Variants in SETBP1 observed in about 807,000 individuals in gnomAD.
SETBP1 encodes the protein SET binding protein 1.
A neutral mutation model predicts 101.0 loss-of-function variants in SETBP1; 9 were observed. That is an observed-to-expected ratio of 0.09 (90% CI 0.05 to 0.16). The LOEUF is 0.16. Among genes scored for constraint, SETBP1 ranks in the 10% least tolerant of loss-of-function variants. The pLI is 1.00. For missense variants in SETBP1, 1,858 were observed against 2,033.8 expected, an observed-to-expected ratio of 0.91 and a Z score of 1.66; for synonymous variants, 818 against 788.5, an observed-to-expected ratio of 1.04 and a Z score of -0.63.
intron 2 of SETBP1, among the ~76,000 whole-genome samples, chr18:44,735,024 A>G (rs1293810820): frequency 6.6e-6 from 1 of 152,214 alleles, no homozygotes; most frequent in Non-Finnish European, 1.5e-5. Flanking sequence ...AGAGTTATTT[A>G]TAAGTCTACA....
intron 2 of SETBP1, among the ~76,000 whole-genome samples, chr18:44,737,307 G>T (rs769450905): frequency 1.3e-5 from 2 of 152,150 alleles, no homozygotes; most frequent in Non-Finnish European, 2.9e-5. Context: ...AAGTGGAGTG[G>T]ACTGGTGTCT....
intron 2 of SETBP1, among the ~76,000 whole-genome samples, chr18:44,832,611 A>G: frequency 6.6e-6 from 1 of 152,206 alleles, no homozygotes; most frequent in East Asian, 1.9e-4. Context: ...GGTAATGCTG[A>G]CATCCCCAAA....
intron 3 of SETBP1, among the ~76,000 whole-genome samples, chr18:44,885,179 T>G (rs2144754458): frequency 1.3e-5 from 2 of 152,286 alleles, no homozygotes; most frequent in Non-Finnish European, 2.9e-5. Flanking sequence ...GAAATTCCCT[T>G]TGCAACCTTA....
chr18:45,065,212 G>T lies in SETBP1; in HGVS notation c.*1514G>T, dbSNP rs2073951109. 6.6e-6 allele frequency: 1 copy of T among 152,190 alleles called. No homozygotes were observed. Among genetic ancestry groups the T allele is most frequent in the Non-Finnish European group, 1.5e-5 (1 of 68,030 alleles). The allele number at this position is 152,190 out of a possible 1,614,324, so 9.4% of individuals were successfully genotyped here. ...AAAATATGTTAAGCAGGCTCAGAAT[G>T]AATATGAAGAATTCCATTTCCGTAG... On this transcript the variant is annotated 3_prime_UTR_variant, in exon 6 of 6. Coordinates refer to ENST00000649279, the MANE Select transcript of SETBP1 (RefSeq NM_015559.3).
intron 3 of SETBP1, among the ~76,000 whole-genome samples, chr18:44,946,636 C>T (rs2071213825): frequency 6.6e-6 from 1 of 152,174 alleles, no homozygotes; most frequent in South Asian, 2.1e-4. Flanking sequence ...AGTGTATTGT[C>T]TTTTGTGTGC....
At position 44,930,744 on chromosome 18, in the gene SETBP1, C is replaced by T. The variant is rs192216837; in HGVS notation, c.541-19137C>T. On this transcript the variant is annotated intron_variant, in intron 3 of 5. Coordinates refer to ENST00000649279, the MANE Select transcript of SETBP1 (RefSeq NM_015559.3). ...TGCGTAGGGCTGTTTATAGTATTCT[C>T]TGATGGTAGTTTGTAATTCTGTGGG... Among the ~76,000 whole-genome samples, 441 of 152,232 alleles carry T rather than the reference C, an allele frequency of 2.9e-3. 5 individuals carry two copies. The highest frequency in any genetic ancestry group is 0.01 in the African/African-American group (422 of 41,550).
At chr18:44,844,669 C>A (rs986158777) in intron 2 of SETBP1, among the ~76,000 whole-genome samples, 11 of 152,088 alleles carry the variant, frequency 7.2e-5, no homozygotes, top group Non-Finnish European at 1.5e-4. Flanking sequence ...CAGGCTCTTA[C>A]CAACAAGCGG....
chr18:44,681,061 T>C (rs2068752436), intron 1 of SETBP1, 40 bp downstream of exon 1: 1 of 152,210 alleles, frequency 6.6e-6, no homozygotes, highest in South Asian at 2.1e-4. Flanking sequence ...GTTAGTCTTT[T>C]TCTTAAAAAT....
intron 4 of SETBP1, among the ~76,000 whole-genome samples, chr18:45,030,719 T>C (rs1488196266): frequency 6.7e-6 from 1 of 148,578 alleles, no homozygotes; most frequent in East Asian, 1.9e-4. Flanking sequence ...GAGATTCAGC[T>C]TCCTCCTGGT....
chr18:44,849,075 G>A (rs1484675714), intron 2 of SETBP1, among the ~76,000 whole-genome samples: 1 of 152,186 alleles, frequency 6.6e-6, no homozygotes, highest in Non-Finnish European at 1.5e-5. Flanking sequence ...GCCTTGTAAA[G>A]GCTGTGGGGA....
In SETBP1 at chr18:45,064,970, C is replaced by G. The variant is rs1411892129; in HGVS notation, c.*1272C>G. 2 of 152,150 alleles carry G rather than the reference C, an allele frequency of 1.3e-5. No individual in the cohort carries two copies. The highest frequency in any genetic ancestry group is 2.9e-5 in the Non-Finnish European group (2 of 68,018). The allele number at this position is 152,150 out of a possible 1,614,324, so 9.4% of individuals were successfully genotyped here. A position where few individuals can be genotyped will look rare whatever the true frequency, so the allele number is the denominator to read the frequency against. On this transcript the variant is annotated 3_prime_UTR_variant, in exon 6 of 6. Transcript: ENST00000649279. ...TTCAATTTTATCAAGCCACCTTGGACAAAGTATCCAAATTGTGGTTGCCTT... is the reference window on the plus strand; with the variant it reads ...TTCAATTTTATCAAGCCACCTTGGAGAAAGTATCCAAATTGTGGTTGCCTT...
intron 2 of SETBP1, among the ~76,000 whole-genome samples, chr18:44,724,890 A>C (rs2069673087): frequency 6.6e-6 from 1 of 152,206 alleles, no homozygotes; most frequent in Admixed American, 6.5e-5. Context: ...TGGGGCTGGA[A>C]GTGGAAAGAA....
intron 3 of SETBP1, among the ~76,000 whole-genome samples, chr18:44,925,229 CT>C (rs1220851741): frequency 6.6e-6 from 1 of 151,328 alleles, no homozygotes; most frequent in Non-Finnish European, 1.5e-5. Context: ...TTTTTTCACC[CT>C]GAAAATTCAC....
intron 3 of SETBP1, among the ~76,000 whole-genome samples, chr18:44,914,143 T>A (rs1334277047): frequency 6.6e-6 from 1 of 152,226 alleles, no homozygotes; most frequent in African/African-American, 2.4e-5. Flanking sequence ...TTCATACTCT[T>A]TGTGTGTGTT....
intron 2 of SETBP1, among the ~76,000 whole-genome samples, chr18:44,811,833 T>C (rs969017403): frequency 6.6e-6 from 1 of 152,162 alleles, no homozygotes; most frequent in African/African-American, 2.4e-5. Context: ...GGATCCCCCA[T>C]AGAGATCAGA....
Position 45,066,912 on chromosome 18 carries a change from T to C in SETBP1, c.*3214T>C, listed in dbSNP as rs2073974667. The C allele has an allele frequency of 6.6e-6, 1 of 152,168 alleles. No individual in the cohort carries two copies. The highest frequency in any genetic ancestry group is 1.5e-5 in the Non-Finnish European group (1 of 68,040). 9.4% of individuals were successfully genotyped at this position (152,168 alleles called of 1,614,324 possible). On this transcript the variant is annotated 3_prime_UTR_variant, in exon 6 of 6. Coordinates refer to ENST00000649279, the MANE Select transcript of SETBP1 (RefSeq NM_015559.3). ...AGGTGATGATGGATCTTTAATCCACTTGACTAAGTGTCTGGAAGAGCTACT... is the reference window on the plus strand; with the variant it reads ...AGGTGATGATGGATCTTTAATCCACCTGACTAAGTGTCTGGAAGAGCTACT...
chr18:44,811,967 G>A (rs1427159016), intron 2 of SETBP1, among the ~76,000 whole-genome samples: 1 of 152,214 alleles, frequency 6.6e-6, no homozygotes, highest in Non-Finnish European at 1.5e-5. Context: ...ATAACAGCTT[G>A]ATCCCATTCC....
intron 3 of SETBP1, among the ~76,000 whole-genome samples, chr18:44,918,667 C>T (rs757320687): frequency 1.3e-5 from 2 of 152,248 alleles, no homozygotes; most frequent in African/African-American, 2.4e-5. Flanking sequence ...AATGTTTCCA[C>T]TTCTAGCCTT....
chr18:44,936,491 G>T (rs1384312230), intron 3 of SETBP1, among the ~76,000 whole-genome samples: 35 of 152,138 alleles, frequency 2.3e-4, no homozygotes, highest in Admixed American at 2.3e-3. Flanking sequence ...CTGAGAGGCT[G>T]TTTTTTTATT....
Sources: allele counts gnomAD v4.1 joint callset (sites outside exome capture counted in the v4.1 genomes callset), GRCh38; gene constraint gnomAD v4.1.1; transcripts MANE v1.5; gene names NCBI Gene and HGNC (gene_info 2026-07-23, HGNC 2026-07-21).